Variants in INPP5J observed in about 807,000 individuals in gnomAD.
INPP5J encodes the protein phosphatidylinositol 4,5-bisphosphate 5-phosphatase A.
A neutral mutation model predicts 86.6 loss-of-function variants in INPP5J; 75 were observed. The ratio of observed to expected loss-of-function variants is 0.87; its 90% CI spans 0.72 to 1.05. The LOEUF (loss-of-function observed/expected upper bound fraction) is 1.05. Ranked by LOEUF, INPP5J falls within the 50% of genes least tolerant of loss-of-function variation. INPP5J has a pLI of 0.00. For synonymous variants in INPP5J, 540 were observed against 550.0 expected (o/e 0.98, Z 0.25); for missense variants, 1,229 against 1,341.2 (o/e 0.92, Z 1.31).
At position 31,134,388 on chromosome 22, in the gene INPP5J, G is replaced by A. The variant is rs748900626; in HGVS notation, c.2990G>A (p.Arg997Gln). Reference protein sequence around the residue: ...NSLSPSPQGHRGLEEGGLGP With the variant: ...NSLSPSPQGHQGLEEGGLGP ...CTGTCTCCTAGTCCCCAGGGCCATC[G>A]GGGGCTGGAGGAAGGGGGCCTGGGG... Residue 997 changes from arginine (R) to glutamine (Q), a missense_variant, in exon 13 of 13, where the codon CGG becomes CAG. Transcript: ENST00000331075. The A allele has an allele frequency of 3.5e-5, 52 of 1,473,836 alleles. No individual in the cohort carries two copies. The African/African-American group carries it at 6.3e-4, about 18-fold the overall frequency. 91.3% of individuals were successfully genotyped at this position (1,473,836 alleles called of 1,614,324 possible). A position where few individuals can be genotyped will look rare whatever the true frequency, so the allele number is the denominator to read the frequency against.
Position 31,133,203 on chromosome 22 carries a change from C to G in INPP5J, c.2299C>G (p.Arg767Gly). 6.2e-6 allele frequency: 10 copies of G among 1,604,022 alleles called. No homozygotes were observed. Among genetic ancestry groups the G allele is most frequent in the Non-Finnish European group, 7.7e-6 (9 of 1,176,202 alleles). ...GTACCGCATGGAAACAGTGTTCGCCCGCAGCTCCTGGGACTGGATCGGCTT... is the reference window on the plus strand; with the variant it reads ...GTACCGCATGGAAACAGTGTTCGCCGGCAGCTCCTGGGACTGGATCGGCTT... The part of the protein sequence containing the change: ...VRYRMETVFA[R>G]SSWDWIGLYR... The change falls in exon 10 of 13, where the codon CGC (arginine) becomes GGC (glycine). Residue 767 changes from arginine to glycine, a missense_variant. Coordinates refer to ENST00000331075, the MANE Select transcript of INPP5J (RefSeq NM_001284285.2).
chr22:31,133,943 A>G lies in INPP5J; in HGVS notation c.2545A>G (p.Ser849Gly). The change falls in exon 13 of 13, where the codon AGC becomes GGC. Residue 849 changes from serine to glycine, a missense_variant. Transcript: ENST00000331075. ...ISLPSSELAS[S>G]STDSSGTSSE... Reference sequence around the variant, plus strand: ...GCTGCCTTCCTCGGAGTTGGCCAGCAGCAGCACAGACAGCTCAGGCACCAG... The same window carrying G: ...GCTGCCTTCCTCGGAGTTGGCCAGCGGCAGCACAGACAGCTCAGGCACCAG... 1 of 1,613,062 alleles carries G rather than the reference A, an allele frequency of 6.2e-7. No individual in the cohort carries two copies.
intron 9 of INPP5J, among the ~76,000 whole-genome samples, chr22:31,132,476 A>G (rs539532473): frequency 2.6e-5 from 4 of 152,224 alleles, no homozygotes; most frequent in African/African-American, 4.8e-5. Context: ...ACGGTGGCTC[A>G]TGCCTATAAT....
Position 31,125,221 on chromosome 22 carries a change from C to T in INPP5J, c.482C>T (p.Pro161Leu), listed in dbSNP as rs902794657. Reference protein sequence around the residue: ...PPVTLGPNLAPTSRDQKQEPP... With the variant: ...PPVTLGPNLALTSRDQKQEPP... The stretch of plus-strand genomic sequence containing the variant: ...GTCACCCTGGGGCCCAATCTGGCCC[C>T]AACCTCCAGAGACCAGAAGCAGGAG... The change falls in exon 2 of 13, where the codon CCA (proline) becomes CTA (leucine). Residue 161 changes from proline (P) to leucine (L), a missense_variant. Coordinates refer to ENST00000331075, the MANE Select transcript of INPP5J (RefSeq NM_001284285.2). The T allele has an allele frequency of 1.6e-5, 25 of 1,550,394 alleles. No homozygotes were observed. The African/African-American group carries it at 3.3e-4, about 20-fold the overall frequency.
At chr22:31,133,527 T>G in intron 11 of INPP5J, 44 bp downstream of exon 11, 1 of 1,600,982 alleles carries the variant, frequency 6.2e-7, no homozygotes, top group Non-Finnish European at 8.6e-7. Context: ...CCTTGTTGCC[T>G]TTGGGACCTC....
Position 31,124,854 on chromosome 22 carries a change from A to G in INPP5J, c.115A>G (p.Ser39Gly), listed in dbSNP as rs370872946. Reference sequence around the variant, plus strand: ...ACTTGTCCTCCACAAGGTGGACTCAAGTTTTCAGCTCCCAGCAAAGAAGAA... The same window carrying G: ...ACTTGTCCTCCACAAGGTGGACTCAGGTTTTCAGCTCCCAGCAAAGAAGAA... ...QTGAPSKVDSSFQLPAKKNAA... is the reference protein window; with the variant it reads ...QTGAPSKVDSGFQLPAKKNAA... Residue 39 changes from serine to glycine, a missense_variant, in exon 2 of 13, where the codon AGT becomes GGT. By Grantham distance (56) the Ser-to-Gly change is moderately conservative (BLOSUM62 0). Coordinates refer to ENST00000331075, the MANE Select transcript of INPP5J (RefSeq NM_001284285.2). 1.9e-6 allele frequency: 3 copies of G among 1,609,944 alleles called. No homozygotes were observed. The highest frequency in any genetic ancestry group is 1.7e-5 in the Admixed American group (1 of 59,864).
In INPP5J at chr22:31,125,498, C is replaced by T. The variant is rs1466395431; in HGVS notation, c.759C>T (p.Leu253=). 6.5e-7 allele frequency: 1 copy of T among 1,550,280 alleles called. No individual in the cohort carries two copies. The highest frequency in any genetic ancestry group is 8.7e-7 in the Non-Finnish European group (1 of 1,146,912). The part of the protein sequence containing the change: ...PRPLPASEGH[L]QPPAQTSGPT... The stretch of plus-strand genomic sequence containing the variant: ...CTCTCCCTGCTTCTGAGGGGCATCT[C>T]CAGCCTCCAGCTCAGACATCTGGTC... The change falls in exon 2 of 13, where the codon CTC becomes CTT. Residue 253 remains leucine (L), a synonymous_variant. Transcript: ENST00000331075.
chr22:31,130,588 A>G (rs1359231233), intron 9 of INPP5J, among the ~76,000 whole-genome samples: 1 of 152,178 alleles, frequency 6.6e-6, no homozygotes, highest in Non-Finnish European at 1.5e-5. Flanking sequence ...GAAAAGATAT[A>G]AAAATTCACA....
At chr22:31,128,802 A>G in intron 9 of INPP5J, 148 bp downstream of exon 9, 1 of 713,840 alleles carries the variant, frequency 1.4e-6, no homozygotes, top group Non-Finnish European at 2.2e-6. Flanking sequence ...GTTGCAATCT[A>G]CATTTTCAGA....
At position 31,123,011 on chromosome 22, in the gene INPP5J, A is replaced by C. The variant is rs368943884; in HGVS notation, c.-4A>C. 1.6e-5 allele frequency: 23 copies of C among 1,441,732 alleles called. No homozygotes were observed. The African/African-American group carries it at 3.5e-4, about 22-fold the overall frequency. The allele number at this position is 1,441,732 out of a possible 1,614,324, so 89.3% of individuals were successfully genotyped here. On this transcript the variant is annotated 5_prime_UTR_variant, in exon 1 of 13. Coordinates refer to ENST00000331075, the MANE Select transcript of INPP5J (RefSeq NM_001284285.2). ...GGGAGTCCAGGCTGCCGGGGGCTGC[A>C]GACATGGAGGGCCAGAGCAGCAGGG...
intron 9 of INPP5J, among the ~76,000 whole-genome samples, chr22:31,131,014 C>T (rs957135262): frequency 6.6e-6 from 1 of 152,170 alleles, no homozygotes; most frequent in Admixed American, 6.5e-5. Flanking sequence ...CTCTTCAAGT[C>T]TCTTGATCTG....
rs771507218 is a variant in INPP5J at position 31,128,646 on chromosome 22, C to T, written c.2185C>T (p.Leu729Phe). The T allele has an allele frequency of 1.9e-6, 3 of 1,583,102 alleles. No individual in the cohort carries two copies. The highest frequency in any genetic ancestry group is 1.7e-6 in the Non-Finnish European group (2 of 1,164,686). ...SDHKPVAAQF[L>F]LQFAFRDDMP... Reference sequence around the variant, plus strand: ...CCACAAGCCTGTGGCTGCCCAGTTCCTCCTGCAGGTGAGTTCTGGCCTCAT... The same window carrying T: ...CCACAAGCCTGTGGCTGCCCAGTTCTTCCTGCAGGTGAGTTCTGGCCTCAT... The change falls in exon 9 of 13, where the codon CTC (leucine) becomes TTC (phenylalanine). Residue 729 changes from leucine to phenylalanine, a missense_variant. Coordinates refer to ENST00000331075, the MANE Select transcript of INPP5J (RefSeq NM_001284285.2).
chr22:31,127,837 A>G, intron 6 of INPP5J, 114 bp from the exon 7 acceptor site: 1 of 711,214 alleles, frequency 1.4e-6, no homozygotes, highest in Non-Finnish European at 2.5e-6. Context: ...CCCACTCACT[A>G]CATCCCCTCG....
chr22:31,128,315 C>T lies in INPP5J; in HGVS notation c.2001C>T (p.Tyr667=), dbSNP rs749542889. 9.4e-6 allele frequency: 15 copies of T among 1,592,616 alleles called. No homozygotes were observed. Among genetic ancestry groups the T allele is most frequent in the Admixed American group, 7.1e-5 (4 of 56,302 alleles). Residue 667 remains tyrosine (Y), a synonymous_variant, in exon 8 of 13, where the codon TAC becomes TAT. Coordinates refer to ENST00000331075, the MANE Select transcript of INPP5J (RefSeq NM_001284285.2). ...AGTTTGATGTGGGTACCAACAAATA[C>T]GATACCAGGTGAGCTCAGTCCGAGG... The part of the protein sequence containing the change: ...TFKFDVGTNK[Y]DTSAKKRKPA...
chr22:31,127,399 C>T lies in INPP5J; in HGVS notation c.1654C>T (p.His552Tyr), dbSNP rs774516906. ...GAGCGTGCGCCTGGCGGCCTTCGGG[C>T]ACATGCTCTGCTTCCTGAACTGCCA... Reference protein sequence around the residue: ...GVSVRLAAFGHMLCFLNCHLP... With the variant: ...GVSVRLAAFGYMLCFLNCHLP... The change falls in exon 6 of 13, where the codon CAC (histidine) becomes TAC (tyrosine). Residue 552 changes from histidine (H) to tyrosine (Y), a missense_variant. Coordinates refer to ENST00000331075, the MANE Select transcript of INPP5J (RefSeq NM_001284285.2). 1 of 1,613,592 alleles carries T rather than the reference C, an allele frequency of 6.2e-7. No homozygotes were observed. The highest frequency in any genetic ancestry group is 1.7e-5 in the Admixed American group (1 of 59,984).
intron 9 of INPP5J, among the ~76,000 whole-genome samples, chr22:31,130,826 G>A (rs1479567670): frequency 1.3e-5 from 2 of 152,100 alleles, no homozygotes; most frequent in African/African-American, 2.4e-5. Flanking sequence ...ACATCAAAAT[G>A]GGAAATCCTA....
intron 9 of INPP5J, among the ~76,000 whole-genome samples, chr22:31,129,165 C>A (rs1199626730): frequency 6.7e-6 from 1 of 150,200 alleles, no homozygotes; most frequent in Non-Finnish European, 1.5e-5. Context: ...CTCCTGACCT[C>A]CTGATCCACC....
At chr22:31,124,733 T>C in intron 1 of INPP5J, 112 bp from the exon 2 acceptor site, 1 of 918,648 alleles carries the variant, frequency 1.1e-6, no homozygotes, top group Non-Finnish European at 1.6e-6. Flanking sequence ...AAGAACTTCC[T>C]TGGAAAGATG....
chr22:31,126,155 G>A (rs918370549), intron 2 of INPP5J, 145 bp downstream of exon 2: 5 of 881,934 alleles, frequency 5.7e-6, no homozygotes, highest in Non-Finnish European at 8.4e-6. Context: ...ACTCTGTGAC[G>A]CTCAGAAGAT....
Sources: allele counts gnomAD v4.1 joint callset (sites outside exome capture counted in the v4.1 genomes callset), GRCh38; gene constraint gnomAD v4.1.1; transcripts MANE v1.5; gene names NCBI Gene and HGNC (gene_info 2026-07-23, HGNC 2026-07-21).